RANBP17: variants seen among roughly 807,000 people sequenced by gnomAD.
RANBP17 encodes the protein ran-binding protein 17.
A neutral mutation model predicts 141.2 loss-of-function variants in RANBP17; 158 were observed. That is an observed-to-expected ratio of 1.12 (90% CI 0.98 to 1.28). RANBP17 has a LOEUF of 1.28. RANBP17 is among the 50% of genes most tolerant of loss of function. The probability of loss-of-function intolerance (pLI) is 0.00; values close to 1 mark genes in which losing one functional copy is unlikely to be tolerated. For synonymous variants in RANBP17, 430 were observed against 450.0 expected (o/e 0.96, Z 0.56); for missense variants, 1,438 against 1,290.7 (o/e 1.11, Z -1.75).
At chr5:170,940,353 T>C (rs138362601) in intron 12 of RANBP17, among the ~76,000 whole-genome samples, 74 of 152,310 alleles carry the variant, frequency 4.9e-4, no homozygotes, top group African/African-American at 1.7e-3. Context: ...ATCTGGAATC[T>C]GAAATGCTCC....
intron 14 of RANBP17, among the ~76,000 whole-genome samples, chr5:171,132,465 G>A (rs368489018): frequency 6.6e-6 from 1 of 151,774 alleles, no homozygotes; most frequent in East Asian, 1.9e-4. Context: ...GCTCATGCAT[G>A]TAATCCAAAC....
chr5:171,065,149 C>T (rs1485629727), intron 14 of RANBP17, among the ~76,000 whole-genome samples: 1 of 152,032 alleles, frequency 6.6e-6, no homozygotes, highest in East Asian at 1.9e-4. Flanking sequence ...TATCTCTGAT[C>T]CATTTGGAGT....
intron 13 of RANBP17, among the ~76,000 whole-genome samples, chr5:170,962,624 T>C (rs1776235775): frequency 6.6e-6 from 1 of 152,186 alleles, no homozygotes; most frequent in Non-Finnish European, 1.5e-5. Context: ...AATTCACCAG[T>C]ACACAGATTT....
chr5:170,918,101 A>G (rs1304120314), intron 9 of RANBP17: 1 of 151,478 alleles, frequency 6.6e-6, no homozygotes, highest in African/African-American at 2.4e-5. Flanking sequence ...TTTAATCTAT[A>G]CTCCTCCAAA....
intron 14 of RANBP17, among the ~76,000 whole-genome samples, chr5:171,060,268 TTTTGCCCA>T (rs1783717740): frequency 1.6e-5 from 2 of 125,210 alleles, no homozygotes; most frequent in East Asian, 5.2e-4. Flanking sequence ...TGCTCCCAGT[TTTTGCCCA>T]TTCAGTATGA....
chr5:171,221,837 T>TA lies in RANBP17; in HGVS notation c.2420dup (p.Tyr807Ter), dbSNP rs1763578756. ...AGAAGCTAGTAAAATGGTTTGCACTTATGGTGAGTGTCCTTTTCCATATGT... is the reference window on the plus strand; with the variant it reads ...AGAAGCTAGTAAAATGGTTTGCACTTAATGGTGAGTGTCCTTTTCCATATGT... ...FREASKMVCTYGNQILSLGSL... is the reference protein window; with the variant it reads ...FREASKMVCT Residue 807 changes from tyrosine to a stop codon, truncating the protein, a stop_gained and frameshift_variant, in exon 22 of 28, where the codon TAT becomes TAAT. Coordinates refer to ENST00000523189, the MANE Select transcript of RANBP17 (RefSeq NM_022897.5). LOFTEE classifies it high-confidence loss of function. The TA allele has an allele frequency of 6.4e-7, 1 of 1,572,080 alleles. No homozygotes were observed. The highest frequency in any genetic ancestry group is 1.7e-5 in the Admixed American group (1 of 59,698).
rs1332299946 is a variant in RANBP17 at position 171,242,830 on chromosome 5, A to T, written c.2776+10A>T. 3.1e-6 allele frequency: 5 copies of T among 1,612,568 alleles called. No homozygotes were observed. The African/African-American group carries it at 6.7e-5, about 22-fold the overall frequency. ...GGACTCACTACTCTTGGTAAGGATC[A>T]TAGAGGACATTGTTTCCATAGGAAA... On this transcript the variant is annotated intron_variant, in intron 24 of 27. Coordinates refer to ENST00000523189, the MANE Select transcript of RANBP17 (RefSeq NM_022897.5).
intron 14 of RANBP17, among the ~76,000 whole-genome samples, chr5:171,044,655 T>C (rs958214687): frequency 1.3e-5 from 2 of 152,098 alleles, no homozygotes; most frequent in African/African-American, 4.8e-5. Flanking sequence ...TTGTTGATAA[T>C]ATGATCTGCT....
chr5:170,902,900 G>A (rs559222093), intron 5 of RANBP17, among the ~76,000 whole-genome samples: 1 of 152,180 alleles, frequency 6.6e-6, no homozygotes, highest in Non-Finnish European at 1.5e-5. Context: ...TGGAAGCTTT[G>A]TTCTAGAGGG....
chr5:171,120,753 C>G (rs1365486892), intron 14 of RANBP17, among the ~76,000 whole-genome samples: 1 of 152,062 alleles, frequency 6.6e-6, no homozygotes, highest in South Asian at 2.1e-4. Flanking sequence ...TATTGTATTC[C>G]TTTAGACATG....
In RANBP17 at chr5:170,918,857, C is replaced by T; in HGVS notation, c.1099C>T (p.Gln367Ter). 6.4e-7 allele frequency: 1 copy of T among 1,558,516 alleles called. No individual in the cohort carries two copies. Among genetic ancestry groups the T allele is most frequent in the African/African-American group, 1.4e-5 (1 of 72,326 alleles). ...TGCTAATTTTACCATTACTAGCCTA[C>T]AGGTAGGTAAAAATATGTAATTATG... ...LIANFTITSLQHWEFAPNSVH... is the reference protein window; with the variant it reads ...LIANFTITSL The change falls in exon 10 of 28, where the codon CAG (glutamine) becomes TAG (stop). Residue 367 changes from glutamine to a stop codon, truncating the protein, a stop_gained and splice_region_variant. Transcript: ENST00000523189. LOFTEE classifies it high-confidence loss of function.
chr5:171,227,569 G>C (rs1265138032), intron 22 of RANBP17, among the ~76,000 whole-genome samples: 1 of 152,238 alleles, frequency 6.6e-6, no homozygotes, highest in Non-Finnish European at 1.5e-5. Flanking sequence ...GCTGCAGCGA[G>C]TTATCATGAA....
chr5:171,199,904 A>C, intron 19 of RANBP17, 131 bp downstream of exon 19: 1 of 484,472 alleles, frequency 2.1e-6, no homozygotes, highest in Non-Finnish European at 3.7e-6. Context: ...GCATGTCTTT[A>C]ATTTTTACTT....
chr5:171,176,955 T>C (rs1485293276), intron 16 of RANBP17, among the ~76,000 whole-genome samples: 2 of 152,146 alleles, frequency 1.3e-5, no homozygotes, highest in Admixed American at 1.3e-4. Flanking sequence ...TTAAAATTGT[T>C]TATGTCTGTT....
rs1461305619 is a variant in RANBP17, at chr5:170,911,015, T to A, written c.641T>A (p.Leu214Gln). 1.2e-6 allele frequency: 2 copies of A among 1,611,970 alleles called. No individual in the cohort carries two copies. Among genetic ancestry groups the A allele is most frequent in the Non-Finnish European group, 1.7e-6 (2 of 1,178,710 alleles). ...CTTCAGGATCAATGTCAGCAAAATC[T>A]GGTAATGCAGGTCTTGAAACTGGTC... The part of the protein sequence containing the change: ...LNLQDQCQQN[L>Q]VMQVLKLVLN... The change falls in exon 7 of 28, where the codon CTG becomes CAG. Residue 214 changes from leucine (L) to glutamine (Q), a missense_variant. Leu to Gln is a moderately radical substitution (Grantham distance 113, BLOSUM62 -2). Transcript: ENST00000523189.
At chr5:171,117,648 G>GACC (rs1755731572) in intron 14 of RANBP17, among the ~76,000 whole-genome samples, 1 of 151,672 alleles carries the variant, frequency 6.6e-6, no homozygotes, top group Non-Finnish European at 1.5e-5. Flanking sequence ...TGCACGCCAT[G>GACC]ACGTCCAGCT....
chr5:170,889,786 A>G (rs1438501732), intron 3 of RANBP17, among the ~76,000 whole-genome samples: 1 of 152,034 alleles, frequency 6.6e-6, no homozygotes, highest in African/African-American at 2.4e-5. Flanking sequence ...TCTCCCATGT[A>G]TCTTCCCAAA....
At position 170,968,502 on chromosome 5, in the gene RANBP17, T is replaced by C. The variant is rs763515631; in HGVS notation, c.1710+125T>C. 4 of 912,074 alleles carry C rather than the reference T, an allele frequency of 4.4e-6. No individual in the cohort carries two copies. In the African/African-American group the frequency reaches 4.9e-5, roughly 11 times the overall value. The allele number at this position is 912,074 out of a possible 1,614,324, so 56.5% of individuals were successfully genotyped here. On this transcript the variant is annotated intron_variant, in intron 14 of 27. Transcript: ENST00000523189. ...TGTAATTGATTAATGAATTGATGAATTGGTGATGAAGTGCAATGTAAAATT... is the reference window on the plus strand; with the variant it reads ...TGTAATTGATTAATGAATTGATGAACTGGTGATGAAGTGCAATGTAAAATT...
At chr5:170,960,236 C>T (rs1009808951) in intron 13 of RANBP17, among the ~76,000 whole-genome samples, 3 of 152,166 alleles carry the variant, frequency 2.0e-5, no homozygotes, top group African/African-American at 7.2e-5. Context: ...AGAAATTGCA[C>T]ACTTCTGTGG....
Sources: gnomAD v4.1 joint callset for allele counts (sites outside exome capture counted in the v4.1 genomes callset) on GRCh38, gnomAD v4.1.1 for gene constraint, MANE v1.5 for transcripts, NCBI Gene and HGNC (gene_info 2026-07-23, HGNC 2026-07-21) for gene names.